ABCC6: variants seen among roughly 807,000 people sequenced by gnomAD.
The protein encoded by ABCC6 is ATP-binding cassette sub-family C member 6.
In ABCC6, 126 loss-of-function variants were observed where a neutral mutation model predicts 169.5. The ratio of observed to expected loss-of-function variants is 0.74; its 90% CI spans 0.64 to 0.86. The LOEUF is 0.86. ABCC6 is among the 40% of genes least tolerant of loss of function. ABCC6 has a pLI of 0.00. For synonymous variants in ABCC6, 752 were observed against 814.7 expected, an observed-to-expected ratio of 0.92 and a Z score of 1.31; for missense variants, 1,733 against 1,927.2, an observed-to-expected ratio of 0.90 and a Z score of 1.89.
chr16:16,153,931 GT>G, intron 29 of ABCC6, among the ~76,000 whole-genome samples: 1 of 151,226 alleles, frequency 6.6e-6, no homozygotes, highest in South Asian at 2.1e-4. Flanking sequence ...AAAAAAAAAG[GT>G]TGAGATAGTA....
At chr16:16,176,115 A>G in intron 19 of ABCC6, 129 bp from the exon 20 acceptor site, 1 of 806,306 alleles carries the variant, frequency 1.2e-6, no homozygotes, top group African/African-American at 1.7e-5. Flanking sequence ...GTCTCCAGCA[A>G]CCTCTCTCAA....
At chr16:16,191,288 G>T (rs2283504) in intron 11 of ABCC6, among the ~76,000 whole-genome samples, 2 of 151,808 alleles carry the variant, frequency 1.3e-5, no homozygotes, top group African/African-American at 4.8e-5. Context: ...GCTAAATTTT[G>T]TATTTTTTGT....
At chr16:16,212,643 G>A (rs1360466699) in intron 5 of ABCC6, among the ~76,000 whole-genome samples, 6 of 151,554 alleles carry the variant, frequency 4.0e-5, no homozygotes, top group Admixed American at 2.0e-4. Flanking sequence ...AGTAAACATC[G>A]AGGTGCCCTG....
Position 16,203,483 on chromosome 16 carries a change from A to G in ABCC6, c.925T>C (p.Ser309Pro). The part of the protein sequence containing the change: ...LLKAIWQVFH[S>P]TFLLGTLSLI... The stretch of plus-strand genomic sequence containing the variant: ...CTGAGGGTCCCCAGGAGGAAGGTAG[A>G]ATGGAACACCTGCCAGATGGCCTTC... The change falls in exon 8 of 31, where the codon TCT becomes CCT. Residue 309 changes from serine (S) to proline (P), a missense_variant. By Grantham distance (74) the Ser-to-Pro change is moderately conservative. Coordinates refer to ENST00000205557, the MANE Select transcript of ABCC6 (RefSeq NM_001171.6). 6.2e-7 allele frequency: 1 copy of G among 1,613,990 alleles called. No individual in the cohort carries two copies. The highest frequency in any genetic ancestry group is 8.5e-7 in the Non-Finnish European group (1 of 1,179,874).
At chr16:16,159,690 A>G in intron 25 of ABCC6, 107 bp from the exon 26 acceptor site, 8 of 983,916 alleles carry the variant, frequency 8.1e-6, no homozygotes, top group Non-Finnish European at 1.3e-5. Flanking sequence ...CCAGGGGAGT[A>G]AAGAGGGGAG....
chr16:16,217,224 T>A (rs529669391), intron 4 of ABCC6, among the ~76,000 whole-genome samples: 15 of 152,288 alleles, frequency 9.8e-5, no homozygotes, highest in African/African-American at 3.1e-4. Flanking sequence ...AGCAGACAAT[T>A]GGATATTCCA....
intron 13 of ABCC6, among the ~76,000 whole-genome samples, chr16:16,187,945 A>C (rs571163081): frequency 7.2e-6 from 1 of 138,288 alleles, no homozygotes; most frequent in East Asian, 2.3e-4. Context: ...ATAAATAAAT[A>C]AGGCGGCCAG....
At position 16,198,031 on chromosome 16, in the gene ABCC6, T is replaced by C. The variant is rs142007498; in HGVS notation, c.1328A>G (p.Tyr443Cys). Residue 443 changes from tyrosine (Y) to cysteine (C), a missense_variant, in exon 10 of 31, where the codon TAT becomes TGT. By Grantham distance (194) the Tyr-to-Cys change is radical. Around this residue, in one of 5 missense-constraint regions of ABCC6, gnomAD observed 1,601 missense variants for 1,635.5 expected, o/e 0.98. Transcript: ENST00000205557. The stretch of plus-strand genomic sequence containing the variant: ...CCTCCTCTGGCATACCTGCCAGAGA[T>C]AGACGAAGCAGACCACGATCCAGAC... ...PLVWIVVCFV[Y>C]LWQLLGPSAL... 42 of 1,614,020 alleles carry C rather than the reference T, an allele frequency of 2.6e-5. No homozygotes were observed. The highest frequency in any genetic ancestry group is 4.0e-5 in the African/African-American group (3 of 75,000).
intron 22 of ABCC6, among the ~76,000 whole-genome samples, chr16:16,166,595 A>C (rs1299508277): frequency 6.6e-6 from 1 of 151,228 alleles, no homozygotes; most frequent in African/African-American, 2.4e-5. Flanking sequence ...AACCTCCACG[A>C]GGGGCCGGGC....
chr16:16,169,353 G>C (rs2046983398), intron 22 of ABCC6, among the ~76,000 whole-genome samples: 1 of 152,184 alleles, frequency 6.6e-6, no homozygotes, highest in East Asian at 1.9e-4. Context: ...GCTCTGTCTG[G>C]AGGTTTGGGG....
chr16:16,200,795 C>G (rs899012319), intron 9 of ABCC6, among the ~76,000 whole-genome samples: 1 of 151,386 alleles, frequency 6.6e-6, no homozygotes, highest in African/African-American at 2.4e-5. Flanking sequence ...TGCTCCATAC[C>G]CCACAGGAGC....
chr16:16,173,201 CA>C, intron 21 of ABCC6, 82 bp downstream of exon 21: 1 of 1,584,992 alleles, frequency 6.3e-7, no homozygotes, highest in South Asian at 1.1e-5. Flanking sequence ...GTATCACTGC[CA>C]AGTGCTACAT....
At chr16:16,166,611 G>A (rs2046882950) in intron 22 of ABCC6, among the ~76,000 whole-genome samples, 1 of 151,922 alleles carries the variant, frequency 6.6e-6, no homozygotes, top group South Asian at 2.1e-4. Flanking sequence ...CGGGCACAGT[G>A]GCTCATGCCT....
intron 10 of ABCC6, among the ~76,000 whole-genome samples, chr16:16,195,242 A>T (rs72777666): frequency 0.16 from 24,452 of 151,634 alleles, 2,188 homozygotes; most frequent in Middle Eastern, 0.23. Flanking sequence ...AAGAGGCAGG[A>T]AAAGTACACA....
chr16:16,151,205 A>C (rs1003772555), intron 29 of ABCC6, among the ~76,000 whole-genome samples: 2 of 152,038 alleles, frequency 1.3e-5, no homozygotes, highest in Admixed American at 1.3e-4. Context: ...CTGGAATTAC[A>C]GTCATGCGCC....
At chr16:16,158,269 T>C (rs1047379688) in intron 26 of ABCC6, among the ~76,000 whole-genome samples, 2 of 152,178 alleles carry the variant, frequency 1.3e-5, no homozygotes, top group African/African-American at 4.8e-5. Flanking sequence ...TATTAAATCA[T>C]TTCTTTGCAG....
chr16:16,200,429 G>GAAAA (rs773448065), intron 9 of ABCC6, among the ~76,000 whole-genome samples: 2 of 46,962 alleles, frequency 4.3e-5, no homozygotes, highest in Non-Finnish European at 9.0e-5. Context: ...AACTCTGTCA[G>GAAAA]AAAAAAAAAA....
chr16:16,182,902 G>T lies in ABCC6; in HGVS notation c.1972C>A (p.Leu658Met), dbSNP rs750330150. 2.5e-6 allele frequency: 4 copies of T among 1,613,980 alleles called. No homozygotes were observed. In the Admixed American group the frequency reaches 5.0e-5, roughly 20 times the overall value. ...CCCACTGGACCGACAACAGCCAGCA[G>T]ACAGCCCTGGGGCACCGTGAGGTTT... ...RINLTVPQGC[L>M]LAVVGPVGAG... Residue 658 changes from leucine (L) to methionine (M), a missense_variant, in exon 16 of 31, where the codon CTG becomes ATG. Coordinates refer to ENST00000205557, the MANE Select transcript of ABCC6 (RefSeq NM_001171.6).
intron 11 of ABCC6, among the ~76,000 whole-genome samples, chr16:16,190,926 T>TG (rs1179735456): frequency 2.2e-4 from 1 of 4,598 alleles, no homozygotes; most frequent in East Asian, 0.01. Context: ...GGGTGGGGGC[T>TG]GGGGGGTAGG....
Sources: gnomAD v4.1 joint callset for allele counts (sites outside exome capture counted in the v4.1 genomes callset) on GRCh38, gnomAD v4.1.1 for gene constraint, gnomAD v4.1.1 regional missense constraint, MANE v1.5 for transcripts, NCBI Gene and HGNC (gene_info 2026-07-23, HGNC 2026-07-21) for gene names.